The following METTL15 variants were observed in gnomAD, a reference collection of about 807,000 sequenced individuals.
METTL15 encodes the protein methyltransferase 15, mitochondrial 12S rRNA N4-cytidine.
In METTL15, 34 loss-of-function variants were observed where a neutral mutation model predicts 38.3. The ratio of observed to expected loss-of-function variants is 0.89; its 90% confidence interval spans 0.68 to 1.18. METTL15 has a LOEUF of 1.18. Among genes scored for constraint, METTL15 ranks in the 50% most tolerant of loss-of-function variants. METTL15 has a pLI of 0.00. For missense variants in METTL15, 438 were observed against 498.4 expected, an observed-to-expected ratio of 0.88 and a Z score of 1.15; for synonymous variants, 162 against 170.9, an observed-to-expected ratio of 0.95 and a Z score of 0.41.
chr11:28,499,714 C>CAA (rs34108532), intron 6 of METTL15, among the ~76,000 whole-genome samples: 7 of 151,784 alleles, frequency 4.6e-5, no homozygotes, highest in African/African-American at 1.5e-4. Flanking sequence ...AAAATGATCA[C>CAA]AAAAAAAGAC....
chr11:28,122,953 T>C lies in METTL15; in HGVS notation c.270+9349T>C, dbSNP rs2133610937. Among the ~76,000 whole-genome samples, 4 of 152,144 alleles carry C rather than the reference T, an allele frequency of 2.6e-5. No homozygotes were observed. The Middle Eastern group carries it at 0.014, about 517-fold the overall frequency. ...AGCTTCCAAGGTAATTAGAAATTAG[T>C]TTTTAAAATTAACCAAAAAATTATG... On this transcript the variant is annotated intron_variant, in intron 3 of 6. Transcript: ENST00000407364.
intron 3 of METTL15, among the ~76,000 whole-genome samples, chr11:28,121,535 T>C (rs1354296035): frequency 6.6e-6 from 1 of 152,150 alleles, no homozygotes; most frequent in Non-Finnish European, 1.5e-5. Context: ...CCAACATAGC[T>C]ATTAATGGTT....
At chr11:28,378,616 C>G (rs899075691) in intron 5 of METTL15, among the ~76,000 whole-genome samples, 1 of 152,200 alleles carries the variant, frequency 6.6e-6, no homozygotes, top group Admixed American at 6.5e-5. Context: ...CACCCTTCTT[C>G]TGCGTCGCTC....
intron 3 of METTL15, among the ~76,000 whole-genome samples, chr11:28,201,302 A>C (rs1184654422): frequency 6.6e-6 from 1 of 152,044 alleles, no homozygotes; most frequent in Non-Finnish European, 1.5e-5. Flanking sequence ...CCAGTATTTT[A>C]TTGAGGATTT....
intron 3 of METTL15, among the ~76,000 whole-genome samples, chr11:28,205,040 T>C (rs1306225654): frequency 6.6e-6 from 1 of 152,042 alleles, no homozygotes. Flanking sequence ...ATTTATTTGT[T>C]CCTGTGCATT....
intron 3 of METTL15, among the ~76,000 whole-genome samples, chr11:28,194,128 C>CTTTCTTTCTTTCTTTCTTTCTT (rs1851804756): frequency 1.8e-5 from 2 of 109,888 alleles, no homozygotes; most frequent in Non-Finnish European, 3.7e-5. Flanking sequence ...GTTGATCTTT[C>CTTTCTTTCTTTCTTTCTTTCTT]TTTCTTTCTT....
At chr11:28,433,173 T>G (rs1431893244) in intron 6 of METTL15, among the ~76,000 whole-genome samples, 2 of 45,408 alleles carry the variant, frequency 4.4e-5, no homozygotes, top group East Asian at 9.8e-4. Flanking sequence ...GTTTTTTTTG[T>G]TTTTTTTTGG....
chr11:28,432,929 A>AT (rs11373492), intron 6 of METTL15, among the ~76,000 whole-genome samples: 141,588 of 147,024 alleles, frequency 0.96, 68,233 homozygotes, highest in East Asian at 0.99. Context: ...TTTTTTCCAC[A>AT]TTTTTTTTTT....
intron 3 of METTL15, among the ~76,000 whole-genome samples, chr11:28,138,649 G>A (rs1036246285): frequency 2.6e-5 from 4 of 152,180 alleles, no homozygotes; most frequent in Non-Finnish European, 5.9e-5. Context: ...AATTCTAAAA[G>A]TCACACAGAT....
chr11:28,284,671 A>G (rs1306194272), intron 4 of METTL15, among the ~76,000 whole-genome samples: 1 of 152,226 alleles, frequency 6.6e-6, no homozygotes, highest in Non-Finnish European at 1.5e-5. Context: ...ACAGTGTGAA[A>G]TAAATTCTAA....
At chr11:28,379,115 T>C (rs1564912818) in intron 5 of METTL15, among the ~76,000 whole-genome samples, 2 of 152,218 alleles carry the variant, frequency 1.3e-5, no homozygotes, top group East Asian at 3.9e-4. Flanking sequence ...CTCTTTTTTT[T>C]CCTCCCTAAA....
chr11:28,531,724 A>G (rs866040596), downstream of METTL15, among the ~76,000 whole-genome samples: 7 of 152,102 alleles, frequency 4.6e-5, no homozygotes, highest in African/African-American at 1.7e-4. Flanking sequence ...CTGTTATTAA[A>G]TTAAAATTTA....
intron 6 of METTL15, among the ~76,000 whole-genome samples, chr11:28,303,462 A>G (rs1292173994): frequency 6.6e-6 from 1 of 152,192 alleles, no homozygotes; most frequent in Non-Finnish European, 1.5e-5. Context: ...GTTAAATAAA[A>G]ATAAAATAAT....
intron 6 of METTL15, among the ~76,000 whole-genome samples, chr11:28,489,446 A>T (rs574596805): frequency 6.6e-6 from 1 of 152,290 alleles, no homozygotes; most frequent in South Asian, 2.1e-4. Flanking sequence ...AGGACATGTC[A>T]ACCAAATATA....
intron 5 of METTL15, among the ~76,000 whole-genome samples, chr11:28,418,434 T>G (rs751325194): frequency 6.6e-6 from 1 of 152,150 alleles, no homozygotes; most frequent in Non-Finnish European, 1.5e-5. Flanking sequence ...AGTGGGTCTA[T>G]TTTGAAGATG....
intron 5 of METTL15, among the ~76,000 whole-genome samples, chr11:28,293,954 G>T (rs1203698203): frequency 6.6e-6 from 1 of 152,102 alleles, no homozygotes; most frequent in Non-Finnish European, 1.5e-5. Flanking sequence ...AGGAGATTTT[G>T]GGCTGAGACG....
intron 6 of METTL15, among the ~76,000 whole-genome samples, chr11:28,448,995 G>A (rs981327588): frequency 5.3e-5 from 8 of 152,152 alleles, no homozygotes; most frequent in African/African-American, 1.7e-4. Context: ...TTAAAATATG[G>A]AGCCTCCAGA....
intron 3 of METTL15, among the ~76,000 whole-genome samples, chr11:28,114,188 A>T (rs1016993057): frequency 6.6e-6 from 1 of 152,070 alleles, no homozygotes; most frequent in Non-Finnish European, 1.5e-5. Flanking sequence ...TTTTGTCTCT[A>T]TGAATTTGCT....
rs936029236 is a variant in METTL15 at position 28,485,183 on chromosome 11, CA to C, written c.*425-41294del. 2.0e-5 allele frequency among the ~76,000 whole-genome samples: 3 copies of C among 151,870 alleles called. No homozygotes were observed. The East Asian group carries it at 5.8e-4, about 29-fold the overall frequency. On this transcript the variant is annotated intron_variant and NMD_transcript_variant, in intron 6 of 7. Transcript: ENST00000532947. ...ATAGCTGGCATGGGCATTCTTGTTT[CA>C]GCTGTTTATTTGAAGGAAAGTAAGA...
Sources: gnomAD v4.1 joint callset for allele counts (sites outside exome capture counted in the v4.1 genomes callset) on GRCh38, gnomAD v4.1.1 for gene constraint, MANE v1.5 for transcripts, NCBI Gene and HGNC (gene_info 2026-07-23, HGNC 2026-07-21) for gene names.